The following ROBO1 variants were observed in gnomAD, a reference collection of about 807,000 sequenced individuals.
ROBO1 encodes roundabout guidance receptor 1.
In ROBO1, 149 loss-of-function variants were observed where a neutral mutation model predicts 195.9. The observed-to-expected ratio is 0.76, with a 90% CI of 0.67 to 0.87. The LOEUF (loss-of-function observed/expected upper bound fraction) is 0.87, where lower values mean the gene tolerates loss of function less well. ROBO1 is among the 40% of genes least tolerant of loss of function. The pLI, the probability that ROBO1 is intolerant of heterozygous loss-of-function variation, is 0.00. For synonymous variants in ROBO1, 816 were observed against 733.2 expected (o/e 1.11, Z -1.82); for missense variants, 1,933 against 2,068.3 (o/e 0.93, Z 1.27).
rs973616532 is a variant in ROBO1, at chr3:78,598,407, G to A, written c.*506C>T. 2 of 152,642 alleles carry A rather than the reference G, an allele frequency of 1.3e-5. No homozygotes were observed. The highest frequency in any genetic ancestry group is 4.8e-5 in the African/African-American group (2 of 41,438). The allele number at this position is 152,642 out of a possible 1,614,324, so 9.5% of individuals were successfully genotyped here. On this transcript the variant is annotated 3_prime_UTR_variant, in exon 31 of 31. Coordinates refer to ENST00000464233, the MANE Select transcript of ROBO1 (RefSeq NM_002941.4). Reference sequence around the variant, plus strand: ...AGTTTCTTCCAGCAAAGGGTAGTATGAAAAACTGATTTTGAAATCATGTTA... The same window carrying A: ...AGTTTCTTCCAGCAAAGGGTAGTATAAAAAACTGATTTTGAAATCATGTTA...
Position 78,976,942 on chromosome 3 carries a change from T to G in ROBO1, c.173-38015A>C, listed in dbSNP as rs563087579. Among the ~76,000 whole-genome samples the G allele has an allele frequency of 6.6e-5, 10 of 152,328 alleles. No homozygotes were observed. The South Asian group carries it at 2.1e-3, about 32-fold the overall frequency. The stretch of plus-strand genomic sequence containing the variant: ...TACGTATTACCTCCTTACATTTCAA[T>G]GATAAAATCAGAACTTTGTGTAACA... On this transcript the variant is annotated intron_variant, in intron 3 of 30. Transcript: ENST00000464233.
At chr3:78,878,036 C>G (rs1576332072) in intron 4 of ROBO1, among the ~76,000 whole-genome samples, 1 of 152,128 alleles carries the variant, frequency 6.6e-6, no homozygotes, top group African/African-American at 2.4e-5. Context: ...CTCCCATCAC[C>G]TTATCAATTT....
intron 1 of ROBO1, among the ~76,000 whole-genome samples, chr3:79,659,312 C>A (rs182370122): frequency 6.6e-6 from 1 of 152,004 alleles, no homozygotes; most frequent in East Asian, 1.9e-4. Flanking sequence ...ACTGATTTAG[C>A]CATTTAACTC....
At chr3:78,659,601 T>C in intron 17 of ROBO1, 85 bp downstream of exon 17, 1 of 1,107,410 alleles carries the variant, frequency 9.0e-7, no homozygotes, top group Non-Finnish European at 1.2e-6. Flanking sequence ...CAAATATCCA[T>C]AAACAAATAC....
At chr3:79,601,554 A>T (rs80096163) in intron 1 of ROBO1, among the ~76,000 whole-genome samples, 2 of 151,924 alleles carry the variant, frequency 1.3e-5, no homozygotes, top group African/African-American at 4.8e-5. Flanking sequence ...TAATGGAAGG[A>T]TGAATGAAAA....
intron 2 of ROBO1, among the ~76,000 whole-genome samples, chr3:79,464,758 A>AT (rs1330326940): frequency 6.6e-6 from 1 of 152,090 alleles, no homozygotes; most frequent in Non-Finnish European, 1.5e-5. Flanking sequence ...AAATTCATCT[A>AT]TTTTTTGTCA....
chr3:79,502,525 C>A (rs1321318413), intron 2 of ROBO1, among the ~76,000 whole-genome samples: 1 of 152,080 alleles, frequency 6.6e-6, no homozygotes, highest in Non-Finnish European at 1.5e-5. Context: ...GGCTCCTGCA[C>A]GGCCTGAGCC....
At chr3:79,648,414 A>T (rs1451278493) in intron 1 of ROBO1, among the ~76,000 whole-genome samples, 1 of 152,108 alleles carries the variant, frequency 6.6e-6, no homozygotes, top group Non-Finnish European at 1.5e-5. Context: ...CACATATATA[A>T]GGCTCAGTGA....
chr3:78,871,498 TTG>T (rs2035541237), intron 4 of ROBO1, among the ~76,000 whole-genome samples: 2 of 152,004 alleles, frequency 1.3e-5, no homozygotes, highest in Non-Finnish European at 2.9e-5. Context: ...CAAGATGATG[TTG>T]TGTGTGTGTG....
intron 20 of ROBO1, 98 bp from the exon 21 acceptor site, chr3:78,646,288 C>A: frequency 9.1e-7 from 1 of 1,102,060 alleles, no homozygotes; most frequent in Non-Finnish European, 1.3e-6. Context: ...GGAATTCCTT[C>A]TGTCTTCCTA....
intron 3 of ROBO1, among the ~76,000 whole-genome samples, chr3:78,975,439 G>C (rs2076865436): frequency 6.6e-6 from 1 of 152,106 alleles, no homozygotes; most frequent in Non-Finnish European, 1.5e-5. Context: ...AGAGAATATT[G>C]AGGGCACAGT....
intron 4 of ROBO1, among the ~76,000 whole-genome samples, chr3:78,854,403 G>T (rs1051448008): frequency 6.7e-6 from 1 of 149,882 alleles, no homozygotes; most frequent in Admixed American, 6.7e-5. Context: ...GTGTGTGGGA[G>T]TGTGTGTACA....
intron 1 of ROBO1, among the ~76,000 whole-genome samples, chr3:79,674,827 CGTGTGTGTGTGTGTGTGT>C (rs151094387): frequency 1.6e-5 from 1 of 61,942 alleles, no homozygotes; most frequent in African/African-American, 7.7e-5. Context: ...TATTTATATC[CGTGTGTGTGTGTGTGTGT>C]GTGTGTGTGT....
intron 3 of ROBO1, among the ~76,000 whole-genome samples, chr3:79,071,057 T>C (rs896938168): frequency 3.8e-4 from 57 of 151,978 alleles, no homozygotes; most frequent in African/African-American, 1.3e-3. Flanking sequence ...CACCTACTTA[T>C]CTGCCTTTGT....
chr3:78,748,302 A>G (rs909072018), intron 4 of ROBO1, among the ~76,000 whole-genome samples: 2 of 152,068 alleles, frequency 1.3e-5, no homozygotes, highest in Non-Finnish European at 2.9e-5. Context: ...AAAATTAGCC[A>G]GGCACAGTGA....
intron 2 of ROBO1, among the ~76,000 whole-genome samples, chr3:79,558,592 G>A (rs527652137): frequency 5.3e-5 from 8 of 152,102 alleles, no homozygotes; most frequent in African/African-American, 1.9e-4. Flanking sequence ...CATTTTTCAT[G>A]GGTAAACTGT....
chr3:78,676,981 C>A (rs2107762620), intron 10 of ROBO1, among the ~76,000 whole-genome samples: 1 of 152,240 alleles, frequency 6.6e-6, no homozygotes, highest in African/African-American at 2.4e-5. Context: ...GATCTCTCGG[C>A]AGAAACCCTA....
intron 3 of ROBO1, chr3:79,018,863 G>A (rs1405951636): frequency 1.0e-6 from 1 of 1,004,828 alleles, no homozygotes; most frequent in African/African-American, 1.7e-5. Flanking sequence ...CGGCGGCGGC[G>A]GCAAAGTTGG....
intron 4 of ROBO1, among the ~76,000 whole-genome samples, chr3:78,794,157 A>G (rs1306459668): frequency 2.0e-5 from 3 of 152,200 alleles, no homozygotes; most frequent in Non-Finnish European, 4.4e-5. Context: ...TTGAAATCCT[A>G]CTGTCTGGGC....
Sources: allele counts gnomAD v4.1 joint callset (sites outside exome capture counted in the v4.1 genomes callset), GRCh38; gene constraint gnomAD v4.1.1; transcripts MANE v1.5; gene names NCBI Gene and HGNC (gene_info 2026-07-23, HGNC 2026-07-21).